The following OLFM3 variants were observed in gnomAD, a reference collection of about 807,000 sequenced individuals.
The protein encoded by OLFM3 is noelin-3.
OLFM3 carries 20 observed loss-of-function variants against 48.6 expected under a neutral mutation model. That is an observed-to-expected ratio of 0.41 (90% CI 0.29 to 0.60). The LOEUF is 0.60. Among genes scored for constraint, OLFM3 ranks in the 20% least tolerant of loss-of-function variants. The pLI is 0.28. For missense variants in OLFM3, 437 were observed against 544.3 expected (o/e 0.80, Z 1.96); for synonymous variants, 222 against 198.1 (o/e 1.12, Z -1.01).
At chr1:101,963,031 C>T (rs1346567937) in intron 1 of OLFM3, among the ~76,000 whole-genome samples, 1 of 152,158 alleles carries the variant, frequency 6.6e-6, no homozygotes, top group Non-Finnish European at 1.5e-5. Context: ...GCTCTCTTTC[C>T]TACAGTTCAG....
chr1:101,912,180 G>A (rs915113196), intron 1 of OLFM3, among the ~76,000 whole-genome samples: 7 of 152,112 alleles, frequency 4.6e-5, no homozygotes, highest in Middle Eastern at 3.4e-3. Context: ...ATGCCTTTTC[G>A]GGTTTCTGTG....
At chr1:101,832,834 A>C (rs1655228927) in intron 2 of OLFM3, among the ~76,000 whole-genome samples, 1 of 152,226 alleles carries the variant, frequency 6.6e-6, no homozygotes, top group South Asian at 2.1e-4. Flanking sequence ...AATATTCCGA[A>C]AGCTTTATTT....
rs187288003 is a variant in OLFM3 at position 101,974,116 on chromosome 1, A to G, written c.69+22632T>C. The stretch of plus-strand genomic sequence containing the variant: ...CTTTTCTCATTTCCCTAACTCGTAG[A>G]TAACACTAACAAAAAATTTAGTGGC... On this transcript the variant is annotated intron_variant, in intron 1 of 5. Coordinates refer to ENST00000370103, the MANE Select transcript of OLFM3 (RefSeq NM_058170.4). 3.3e-4 allele frequency among the ~76,000 whole-genome samples: 50 copies of G among 152,020 alleles called. No homozygotes were observed. In the East Asian group the frequency reaches 9.1e-3, roughly 28 times the overall value.
chr1:101,886,147 TGA>T (rs1275231393), intron 1 of OLFM3, among the ~76,000 whole-genome samples: 1 of 152,070 alleles, frequency 6.6e-6, no homozygotes, highest in Non-Finnish European at 1.5e-5. Flanking sequence ...AAAAAAATTT[TGA>T]GTTTTTCCTT....
chr1:101,817,514 A>T (rs897760750), intron 4 of OLFM3, among the ~76,000 whole-genome samples: 4 of 152,172 alleles, frequency 2.6e-5, no homozygotes, highest in African/African-American at 9.6e-5. Context: ...TTTATCAATC[A>T]GTAGCTCAGG....
At chr1:101,871,132 G>T (rs188468916) in intron 1 of OLFM3, among the ~76,000 whole-genome samples, 18 of 151,984 alleles carry the variant, frequency 1.2e-4, no homozygotes, top group Admixed American at 2.6e-4. Context: ...TTGACAGCAG[G>T]AATTTTATTT....
chr1:101,824,632 C>T (rs1654763527), intron 4 of OLFM3, among the ~76,000 whole-genome samples: 1 of 134,032 alleles, frequency 7.5e-6, no homozygotes, highest in African/African-American at 2.8e-5. Context: ...CTCCAAATTT[C>T]CCCACTAACC....
intron 1 of OLFM3, among the ~76,000 whole-genome samples, chr1:101,924,583 C>A (rs879453290): frequency 6.6e-6 from 1 of 152,090 alleles, no homozygotes; most frequent in Non-Finnish European, 1.5e-5. Context: ...TTCATTAATT[C>A]TCATTTGTCT....
intron 1 of OLFM3, among the ~76,000 whole-genome samples, chr1:101,896,584 TC>T (rs1360730990): frequency 7.3e-6 from 1 of 137,682 alleles, no homozygotes; most frequent in Non-Finnish European, 1.5e-5. Flanking sequence ...AAACTCCGCC[TC>T]TCCGGTTCAC....
chr1:101,927,210 TA>T (rs1252951136), intron 1 of OLFM3, among the ~76,000 whole-genome samples: 1 of 152,080 alleles, frequency 6.6e-6, no homozygotes, highest in Admixed American at 6.6e-5. Context: ...AGAAAAGAAG[TA>T]AAAACTGCTT....
At position 101,811,778 on chromosome 1, in the gene OLFM3, C is replaced by T. The variant is rs529563629; in HGVS notation, c.593-5596G>A. Among the ~76,000 whole-genome samples the T allele has an allele frequency of 5.3e-5, 8 of 152,184 alleles. No individual in the cohort carries two copies. In the South Asian group the frequency reaches 1.0e-3, roughly 20 times the overall value. On this transcript the variant is annotated intron_variant, in intron 4 of 5. Coordinates refer to ENST00000370103, the MANE Select transcript of OLFM3 (RefSeq NM_058170.4). ...TCAACCATTGTGGAAGACAGTGTGG[C>T]GATTCCTCAGGGATCTAGAACTAGA...
At chr1:101,838,587 A>T (rs1440409357) in intron 1 of OLFM3, among the ~76,000 whole-genome samples, 1 of 152,150 alleles carries the variant, frequency 6.6e-6, no homozygotes, top group Non-Finnish European at 1.5e-5. Flanking sequence ...AATAAACTTG[A>T]TGGTTTTATT....
At chr1:101,848,328 A>T (rs1656090526) in intron 1 of OLFM3, among the ~76,000 whole-genome samples, 2 of 152,200 alleles carry the variant, frequency 1.3e-5, no homozygotes, top group Admixed American at 1.3e-4. Flanking sequence ...TCAGCCAAAG[A>T]TATATATTTT....
rs60173488 is a variant in OLFM3 at position 101,966,317 on chromosome 1, T to TTGTGTGTGTGTGTG, written c.69+30417_69+30430dup. Among the ~76,000 whole-genome samples the TTGTGTGTGTGTGTG allele has an allele frequency of 9.7e-3, 1,245 of 128,102 alleles. 13 individuals carry two copies. The highest frequency in any genetic ancestry group is 0.014 in the Non-Finnish European group (839 of 60,822). 84.0% of individuals were successfully genotyped at this position (128,102 alleles called of 152,430 possible). A position where few individuals can be genotyped will look rare whatever the true frequency, so the allele number is the denominator to read the frequency against. ...GTAGCTGGCACCACACCTGGCTAAT[T>TTGTGTGTGTGTGTG]TGTGTGTGTGTGTGTGTGTGTGTGT... is the stretch of plus-strand genomic sequence containing the variant. On this transcript the variant is annotated intron_variant, in intron 1 of 5. Coordinates refer to ENST00000370103, the MANE Select transcript of OLFM3 (RefSeq NM_058170.4).
chr1:101,935,212 A>G (rs1484784968), intron 1 of OLFM3, among the ~76,000 whole-genome samples: 1 of 151,946 alleles, frequency 6.6e-6, no homozygotes, highest in Non-Finnish European at 1.5e-5. Context: ...AATAAATAAG[A>G]TTGATAGACC....
At chr1:101,887,222 T>C (rs1390542374) in intron 1 of OLFM3, among the ~76,000 whole-genome samples, 1 of 151,088 alleles carries the variant, frequency 6.6e-6, no homozygotes, top group Non-Finnish European at 1.5e-5. Context: ...GTTGACTCCA[T>C]GAATGGAAAA....
At chr1:101,857,590 CT>C (rs888952501) in intron 1 of OLFM3, among the ~76,000 whole-genome samples, 1 of 151,750 alleles carries the variant, frequency 6.6e-6, no homozygotes, top group African/African-American at 2.4e-5. Flanking sequence ...CCATGCTCTC[CT>C]TTCCCCCCTC....
At chr1:101,968,718 C>A (rs1171383928) in intron 1 of OLFM3, among the ~76,000 whole-genome samples, 1 of 152,172 alleles carries the variant, frequency 6.6e-6, no homozygotes, top group Non-Finnish European at 1.5e-5. Flanking sequence ...TTGTCCCTGT[C>A]TCTCAATGAC....
intron 1 of OLFM3, among the ~76,000 whole-genome samples, chr1:101,851,780 A>G (rs943108012): frequency 3.3e-5 from 5 of 152,088 alleles, no homozygotes; most frequent in South Asian, 2.1e-4. Context: ...TTTGGTTGCC[A>G]TGGATAAATT....
Sources: allele counts gnomAD v4.1 joint callset (sites outside exome capture counted in the v4.1 genomes callset), GRCh38; gene constraint gnomAD v4.1.1; transcripts MANE v1.5; gene names NCBI Gene and HGNC (gene_info 2026-07-23, HGNC 2026-07-21).